The following ADCY1 variants were observed in gnomAD, a reference collection of about 807,000 sequenced individuals.
ADCY1 encodes the protein adenylate cyclase 1.
Under a neutral mutation model 105.4 loss-of-function variants are expected in ADCY1, and 28 were observed. The observed-to-expected ratio is 0.27, with a 90% CI of 0.20 to 0.36. The LOEUF is 0.36. ADCY1 is among the 10% of genes least tolerant of loss of function. The pLI is 1.00. For missense variants in ADCY1, 977 were observed against 1,434.2 expected, an observed-to-expected ratio of 0.68 and a Z score of 5.15; for synonymous variants, 655 against 623.8, an observed-to-expected ratio of 1.05 and a Z score of -0.75.
At chr7:45,695,737 G>A (rs1784868481) in intron 14 of ADCY1, among the ~76,000 whole-genome samples, 1 of 152,234 alleles carries the variant, frequency 6.6e-6, no homozygotes, top group South Asian at 2.1e-4. Context: ...TGTTCGTGGA[G>A]AGCAGTGTGG....
intron 2 of ADCY1, among the ~76,000 whole-genome samples, chr7:45,606,625 T>A (rs1016185230): frequency 1.3e-5 from 2 of 152,206 alleles, no homozygotes; most frequent in African/African-American, 4.8e-5. Context: ...ATGTGTAACA[T>A]CCAGGACTTT....
intron 14 of ADCY1, among the ~76,000 whole-genome samples, chr7:45,694,437 G>A (rs1364780432): frequency 6.6e-6 from 1 of 152,168 alleles, no homozygotes; most frequent in Non-Finnish European, 1.5e-5. Flanking sequence ...CTACATATGA[G>A]ATCAACATTT....
intron 14 of ADCY1, among the ~76,000 whole-genome samples, chr7:45,698,954 G>T (rs938001950): frequency 3.3e-5 from 5 of 152,196 alleles, no homozygotes; most frequent in African/African-American, 1.2e-4. Flanking sequence ...AAAAAAACTG[G>T]ACAAAATAAA....
rs1280469378 is a variant in ADCY1 at position 45,714,206 on chromosome 7, C to G, written c.*211C>G. 2 of 584,188 alleles carry G rather than the reference C, an allele frequency of 3.4e-6. No homozygotes were observed. The highest frequency in any genetic ancestry group is 3.7e-5 in the African/African-American group (2 of 53,818). The allele number at this position is 584,188 out of a possible 1,614,324, so 36.2% of individuals were successfully genotyped here. A position where few individuals can be genotyped will look rare whatever the true frequency, so the allele number is the denominator to read the frequency against. On this transcript the variant is annotated 3_prime_UTR_variant, in exon 20 of 20. Transcript: ENST00000297323. ...CAGCAGTGACTCGGTGAGGGGAGGA[C>G]ACCCGACTGTGCACACTTCCAGGCC... is the stretch of plus-strand genomic sequence containing the variant.
Position 45,660,224 on chromosome 7 carries a change from T to A in ADCY1, c.1449+41T>A, listed in dbSNP as rs763982583. Reference sequence around the variant, plus strand: ...CCCCTCATTTGGTTGATCCTTAGCTTCTTGGCCTGTGCAGAGCTTTACAGA... The same window carrying A: ...CCCCTCATTTGGTTGATCCTTAGCTACTTGGCCTGTGCAGAGCTTTACAGA... On this transcript the variant is annotated intron_variant, in intron 7 of 19. Coordinates refer to ENST00000297323, the MANE Select transcript of ADCY1 (RefSeq NM_021116.4). 5 of 1,611,542 alleles carry A rather than the reference T, an allele frequency of 3.1e-6. No homozygotes were observed. In the African/African-American group the frequency reaches 6.7e-5, roughly 22 times the overall value.
Position 45,662,087 on chromosome 7 carries a change from T to C in ADCY1, c.1478T>C (p.Ile493Thr). ...TTTCCAGGCCTGATTCTCTCAGATA[T>C]AAAACCGGCCAAAAGGATGAAGTTC... is the stretch of plus-strand genomic sequence containing the variant. ...KIFPGLILSDIKPAKRMKFKT... is the reference protein window; with the variant it reads ...KIFPGLILSDTKPAKRMKFKT... The change falls in exon 8 of 20, where the codon ATA (isoleucine) becomes ACA (threonine). Residue 493 changes from isoleucine to threonine, a missense_variant. Ile to Thr is a moderately conservative substitution (Grantham distance 89). Transcript: ENST00000297323. 6.2e-7 allele frequency: 1 copy of C among 1,614,112 alleles called. No individual in the cohort carries two copies. Among genetic ancestry groups the C allele is most frequent in the Non-Finnish European group, 8.5e-7 (1 of 1,179,994 alleles).
chr7:45,687,391 C>T (rs750002688), intron 14 of ADCY1, among the ~76,000 whole-genome samples: 2 of 152,198 alleles, frequency 1.3e-5, no homozygotes, highest in Non-Finnish European at 2.9e-5. Context: ...CACCCCATGG[C>T]CAGGGGCCAA....
chr7:45,721,717 G>T lies in ADCY1; in HGVS notation c.*7722G>T, dbSNP rs1243157044. On this transcript the variant is annotated 3_prime_UTR_variant, in exon 20 of 20. Transcript: ENST00000297323. Reference sequence around the variant, plus strand: ...CCAGGGGTTAGAGGATGTTCAAAGGGCCGATTTCAGCAGGAGTTCAGAGGG... The same window carrying T: ...CCAGGGGTTAGAGGATGTTCAAAGGTCCGATTTCAGCAGGAGTTCAGAGGG... 3.5e-5 allele frequency: 14 copies of T among 398,528 alleles called. No homozygotes were observed. In the East Asian group the frequency reaches 4.6e-4, roughly 13 times the overall value. 24.7% of individuals were successfully genotyped at this position (398,528 alleles called of 1,614,324 possible). A position where few individuals can be genotyped will look rare whatever the true frequency, so the allele number is the denominator to read the frequency against.
At position 45,716,597 on chromosome 7, in the gene ADCY1, A is replaced by G. The variant is rs1785362578; in HGVS notation, c.*2602A>G. ...TTGAGAAGGGTGCAGAGCCCCTGGC[A>G]CAGCCAACCCTGTTGCCCCCAGTGC... On this transcript the variant is annotated 3_prime_UTR_variant, in exon 20 of 20. Coordinates refer to ENST00000297323, the MANE Select transcript of ADCY1 (RefSeq NM_021116.4). 1 of 152,906 alleles carries G rather than the reference A, an allele frequency of 6.5e-6. No individual in the cohort carries two copies. The highest frequency in any genetic ancestry group is 2.1e-4 in the South Asian group (1 of 4,840). The allele number at this position is 152,906 out of a possible 1,614,324, so 9.5% of individuals were successfully genotyped here.
At position 45,686,656 on chromosome 7, in the gene ADCY1, T is replaced by A. The variant is rs1784682383; in HGVS notation, c.2437T>A (p.Tyr813Asn). The A allele has an allele frequency of 6.2e-7, 1 of 1,612,346 alleles. No homozygotes were observed. Among genetic ancestry groups the A allele is most frequent in the African/African-American group, 1.3e-5 (1 of 75,028 alleles). The change falls in exon 14 of 20, where the codon TAC (tyrosine) becomes AAC (asparagine). Residue 813 changes from tyrosine to asparagine, a missense_variant. Physicochemically the swap from Tyr to Asn is moderately radical, Grantham distance 143 (BLOSUM62 -2). Coordinates refer to ENST00000297323, the MANE Select transcript of ADCY1 (RefSeq NM_021116.4). The surrounding 1 kb of genome is among the most constrained non-coding windows in gnomAD (Gnocchi z 4.3). ...RQVDIRLRLD[Y>N]LWAAQAEEER... ...GGTGGACATCAGGCTGAGGCTGGAC[T>A]ACCTCTGGGCCGCACAGGCAAGACG... is the stretch of plus-strand genomic sequence containing the variant.
rs1373788484 is a variant in ADCY1 at position 45,710,305 on chromosome 7, G to T, written c.2933-223G>T. 6.6e-6 allele frequency among the ~76,000 whole-genome samples: 1 copy of T among 152,158 alleles called. No individual in the cohort carries two copies. The highest frequency in any genetic ancestry group is 1.5e-5 in the Non-Finnish European group (1 of 68,032). ...CCCAGTGCAGTGGACAGTGTCGTGA[G>T]GAGACCCTGCCCAGGGGAGCCCGTG... On this transcript the variant is annotated intron_variant, in intron 18 of 19. Transcript: ENST00000297323. This position sits in a 1 kb window ranked among gnomAD's most constrained non-coding sequence, Gnocchi z 4.7.
intron 3 of ADCY1, among the ~76,000 whole-genome samples, chr7:45,612,396 G>A (rs1161998833): frequency 6.6e-6 from 1 of 152,198 alleles, no homozygotes; most frequent in Non-Finnish European, 1.5e-5. Context: ...TGAGTGGCAG[G>A]CTGGGACAGG....
chr7:45,574,865 G>A lies in ADCY1; in HGVS notation c.322G>A (p.Val108Ile). ...HCVLFLALLV[V>I]TNVRSLQVPQ... ...CGTCCTCTTCCTGGCGCTGCTCGTG[G>A]TAACCAACGTCCGGTCCCTGCAGGT... The change falls in exon 1 of 20, where the codon GTA becomes ATA. Residue 108 changes from valine (V) to isoleucine (I), a missense_variant. Physicochemically the swap from Val to Ile is conservative, Grantham distance 29 (BLOSUM62 3). Coordinates refer to ENST00000297323, the MANE Select transcript of ADCY1 (RefSeq NM_021116.4). The surrounding 1 kb of genome is among the most constrained non-coding windows in gnomAD (Gnocchi z 7.0). 1 of 1,611,638 alleles carries A rather than the reference G, an allele frequency of 6.2e-7. No individual in the cohort carries two copies. Among genetic ancestry groups the A allele is most frequent in the Non-Finnish European group, 8.5e-7 (1 of 1,179,630 alleles).
chr7:45,669,771 C>G (rs1464228979), intron 8 of ADCY1, among the ~76,000 whole-genome samples: 1 of 152,140 alleles, frequency 6.6e-6, no homozygotes, highest in African/African-American at 2.4e-5. Flanking sequence ...AAAATTTCAA[C>G]TTGTTTGGTC....
chr7:45,595,100 A>AAG (rs1793035344), intron 2 of ADCY1, among the ~76,000 whole-genome samples: 1 of 152,212 alleles, frequency 6.6e-6, no homozygotes, highest in Non-Finnish European at 1.5e-5. Context: ...TCACTGAGTA[A>AAG]CATTTTTAGC....
At chr7:45,592,711 G>A (rs757905896) in intron 1 of ADCY1, 48 bp from the exon 2 acceptor site, 6 of 1,612,010 alleles carry the variant, frequency 3.7e-6, no homozygotes, top group Admixed American at 3.3e-5. Flanking sequence ...CCCTCTTTGT[G>A]TGTGTGGGAT....
intron 2 of ADCY1, among the ~76,000 whole-genome samples, chr7:45,593,913 G>A (rs1184192328): frequency 1.3e-5 from 2 of 152,218 alleles, no homozygotes; most frequent in East Asian, 3.8e-4. Flanking sequence ...TGAACACGTA[G>A]GAGGGCGTGT....
intron 7 of ADCY1, 135 bp downstream of exon 7, chr7:45,660,318 T>C: frequency 1.1e-5 from 14 of 1,242,762 alleles, no homozygotes; most frequent in South Asian, 1.5e-5. Flanking sequence ...ATGGGGAGAG[T>C]TGTCCCCACT....
At chr7:45,695,943 A>T (rs1028324675) in intron 14 of ADCY1, among the ~76,000 whole-genome samples, 7 of 152,230 alleles carry the variant, frequency 4.6e-5, no homozygotes, top group Admixed American at 3.9e-4. Flanking sequence ...AGAGTGTGGA[A>T]AATAGCACCT....
Sources: allele counts gnomAD v4.1 joint callset (sites outside exome capture counted in the v4.1 genomes callset), GRCh38; gene constraint gnomAD v4.1.1; non-coding constraint Gnocchi (gnomAD v3.1); transcripts MANE v1.5; gene names NCBI Gene and HGNC (gene_info 2026-07-23, HGNC 2026-07-21).